Variants in ITGA9 observed in about 807,000 individuals in gnomAD.
ITGA9 encodes the protein integrin subunit alpha 9.
In ITGA9, 56 loss-of-function variants were observed where a neutral mutation model predicts 127.8. That is an observed-to-expected ratio of 0.44 (90% CI 0.35 to 0.55). ITGA9 has a LOEUF of 0.55. Among genes scored for constraint, ITGA9 ranks in the 20% least tolerant of loss-of-function variants. ITGA9 has a pLI of 0.00. For synonymous variants in ITGA9, 508 were observed against 514.5 expected (o/e 0.99, Z 0.17); for missense variants, 1,196 against 1,347.1 (o/e 0.89, Z 1.76).
chr3:37,617,458 G>A (rs1053906693), intron 15 of ITGA9, among the ~76,000 whole-genome samples: 21 of 152,054 alleles, frequency 1.4e-4, no homozygotes, highest in Admixed American at 3.3e-4. Flanking sequence ...TGCTCTTCTC[G>A]AGGAGTATCT....
At chr3:37,526,135 C>A in intron 13 of ITGA9, 64 bp downstream of exon 13, 1 of 1,345,284 alleles carries the variant, frequency 7.4e-7, no homozygotes, top group Non-Finnish European at 1.1e-6. Flanking sequence ...AGCCATTCAC[C>A]ATTCATGGGC....
At chr3:37,680,925 T>TTTAAGAG (rs1362847822) in intron 17 of ITGA9, among the ~76,000 whole-genome samples, 28 of 152,180 alleles carry the variant, frequency 1.8e-4, no homozygotes, top group Non-Finnish European at 3.7e-4. Context: ...AATTTGCAGC[T>TTTAAGAG]CTTAAGTTAA....
intron 17 of ITGA9, among the ~76,000 whole-genome samples, chr3:37,678,087 G>A (rs1700699458): frequency 1.3e-5 from 2 of 152,174 alleles, no homozygotes; most frequent in African/African-American, 2.4e-5. Flanking sequence ...TGGACACTTT[G>A]GGTTGTGTCT....
chr3:37,494,853 G>A (rs994552758), intron 5 of ITGA9, among the ~76,000 whole-genome samples: 7 of 152,178 alleles, frequency 4.6e-5, no homozygotes, highest in African/African-American at 1.7e-4. Flanking sequence ...TGGGGAAGGA[G>A]TCGATTTGGG....
intron 15 of ITGA9, among the ~76,000 whole-genome samples, chr3:37,548,330 G>A (rs151162138): frequency 8.3e-4 from 126 of 152,230 alleles, no homozygotes; most frequent in African/African-American, 2.9e-3. Flanking sequence ...CTTCAAAGAG[G>A]GATGAGACAA....
At chr3:37,707,870 G>C (rs1701024349) in intron 18 of ITGA9, among the ~76,000 whole-genome samples, 1 of 152,240 alleles carries the variant, frequency 6.6e-6, no homozygotes, top group East Asian at 1.9e-4. Context: ...CCCTGCCCTT[G>C]GCTGGCAGCA....
chr3:37,636,408 T>G lies in ITGA9; in HGVS notation c.1839+7072T>G, dbSNP rs1003781926. ...TGATGATGAGCATTTCTTCATGTGT[T>G]TTTTGGCTGCATAAATGTCTTCTTT... On this transcript the variant is annotated intron_variant, in intron 16 of 27. Coordinates refer to ENST00000264741, the MANE Select transcript of ITGA9 (RefSeq NM_002207.3). 4.8e-4 allele frequency among the ~76,000 whole-genome samples: 73 copies of G among 152,352 alleles called. 1 individual carries two copies. The highest frequency in any genetic ancestry group is 1.7e-3 in the African/African-American group (72 of 41,592).
intron 3 of ITGA9, among the ~76,000 whole-genome samples, chr3:37,479,293 C>G (rs1190505014): frequency 1.3e-5 from 2 of 152,206 alleles, no homozygotes; most frequent in African/African-American, 4.8e-5. Context: ...GCTATTTTAG[C>G]ACAAAACAAT....
chr3:37,466,483 C>CAA (rs60980366), intron 1 of ITGA9, among the ~76,000 whole-genome samples: 1,190 of 26,000 alleles, frequency 0.046, 323 homozygotes, highest in African/African-American at 0.11. Context: ...GACACCATCT[C>CAA]AAAAAAAAAA....
intron 20 of ITGA9, among the ~76,000 whole-genome samples, chr3:37,741,265 G>T (rs533825837): frequency 6.6e-6 from 1 of 152,272 alleles, no homozygotes; most frequent in East Asian, 1.9e-4. Context: ...GGTGCCAGGG[G>T]GTTCATTCCA....
At chr3:37,553,148 T>A (rs2125595714) in intron 15 of ITGA9, among the ~76,000 whole-genome samples, 1 of 152,352 alleles carries the variant, frequency 6.6e-6, no homozygotes, top group South Asian at 2.1e-4. Flanking sequence ...TTTCTATCTA[T>A]TCGTACTTCT....
chr3:37,615,839 T>C lies in ITGA9; in HGVS notation c.1690-13348T>C, dbSNP rs182756581. On this transcript the variant is annotated intron_variant, in intron 15 of 27. Transcript: ENST00000264741. ...CCCCTTTATCATTTTTTATTGTGTC[T>C]ATTTGATTCTTCTCTCTTTTCTTCA... 5.3e-4 allele frequency among the ~76,000 whole-genome samples: 81 copies of C among 152,334 alleles called. No individual in the cohort carries two copies. In the East Asian group the frequency reaches 0.014, roughly 27 times the overall value.
chr3:37,793,054 C>G (rs1697130452), intron 26 of ITGA9, among the ~76,000 whole-genome samples: 1 of 152,120 alleles, frequency 6.6e-6, no homozygotes, highest in African/African-American at 2.4e-5. Context: ...CTCCCCAAAT[C>G]CTCAAGTCCT....
rs541383606 is a variant in ITGA9 at position 37,590,935 on chromosome 3, G to A, written c.1690-38252G>A. Among the ~76,000 whole-genome samples the A allele has an allele frequency of 6.5e-4, 99 of 152,250 alleles. 1 individual carries two copies. Among genetic ancestry groups the A allele is most frequent in the Non-Finnish European group, 1.2e-3 (81 of 68,004 alleles). ...CCAGTGGAAACCCCATGTCCTTAGC[G>A]CAGCCCTGGGGGTTATCAGGGTGGC... On this transcript the variant is annotated intron_variant, in intron 15 of 27. Transcript: ENST00000264741.
intron 1 of ITGA9, among the ~76,000 whole-genome samples, chr3:37,468,352 G>C (rs893198563): frequency 1.3e-5 from 2 of 152,054 alleles, no homozygotes; most frequent in African/African-American, 4.8e-5. Flanking sequence ...CTGGCTCTTT[G>C]TACCCTCCAA....
chr3:37,495,019 G>A lies in ITGA9; in HGVS notation c.612+451G>A, dbSNP rs143697116. On this transcript the variant is annotated intron_variant, in intron 5 of 27. Coordinates refer to ENST00000264741, the MANE Select transcript of ITGA9 (RefSeq NM_002207.3). ...GACAGAGTCTTGCTATGTCACTCAA[G>A]CTGGAGTGCAGTGGCATGATCTCGG... Among the ~76,000 whole-genome samples the A allele has an allele frequency of 2.2e-3, 333 of 152,280 alleles. 3 individuals are homozygous for A. Among genetic ancestry groups the A allele is most frequent in the African/African-American group, 7.6e-3 (315 of 41,558 alleles).
rs72857248 is a variant in ITGA9 at position 37,630,637 on chromosome 3, C to T, written c.1839+1301C>T. Reference sequence around the variant, plus strand: ...TCTAGAGAAGAATGCAGATGTGAGCCATAAGCAGCCTACACACACATCAGC... The same window carrying T: ...TCTAGAGAAGAATGCAGATGTGAGCTATAAGCAGCCTACACACACATCAGC... On this transcript the variant is annotated intron_variant, in intron 16 of 27. Transcript: ENST00000264741. 6.3e-3 allele frequency among the ~76,000 whole-genome samples: 963 copies of T among 152,296 alleles called. 12 individuals are homozygous for T. The highest frequency in any genetic ancestry group is 0.022 in the African/African-American group (904 of 41,564).
chr3:37,575,757 A>G (rs1351229284), intron 15 of ITGA9, among the ~76,000 whole-genome samples: 1 of 152,156 alleles, frequency 6.6e-6, no homozygotes, highest in Admixed American at 6.5e-5. Flanking sequence ...ATGGCTACAG[A>G]TGCATGGCTG....
intron 18 of ITGA9, among the ~76,000 whole-genome samples, chr3:37,689,473 CAG>C (rs1328584273): frequency 2.6e-5 from 4 of 152,220 alleles, no homozygotes; most frequent in African/African-American, 9.6e-5. Flanking sequence ...TGGGTTTCCT[CAG>C]GGGCAGGCCC....
Sources: gnomAD v4.1 joint callset for allele counts (sites outside exome capture counted in the v4.1 genomes callset) on GRCh38, gnomAD v4.1.1 for gene constraint, MANE v1.5 for transcripts, NCBI Gene and HGNC (gene_info 2026-07-23, HGNC 2026-07-21) for gene names.